The following ANO3 variants were observed in gnomAD, a reference collection of about 807,000 sequenced individuals.
ANO3 encodes the protein anoctamin 3.
ANO3 carries 99 observed loss-of-function variants against 144.8 expected under a neutral mutation model. The ratio of observed to expected loss-of-function variants is 0.68; its 90% confidence interval spans 0.58 to 0.81. The LOEUF (loss-of-function observed/expected upper bound fraction) is 0.81, where lower values mean the gene tolerates loss of function less well. Among genes scored for constraint, ANO3 ranks in the 30% least tolerant of loss-of-function variants. ANO3 has a pLI of 0.00. For synonymous variants in ANO3, 414 were observed against 392.6 expected (o/e 1.05, Z -0.64); for missense variants, 905 against 1,202.2 (o/e 0.75, Z 3.66).
At chr11:26,631,493 T>G (rs946878065) in intron 18 of ANO3, among the ~76,000 whole-genome samples, 3 of 152,112 alleles carry the variant, frequency 2.0e-5, no homozygotes, top group Non-Finnish European at 4.4e-5. Context: ...TTTGTATTTA[T>G]CTCCAGACCT....
chr11:26,488,098 G>A (rs1001797945), intron 4 of ANO3, among the ~76,000 whole-genome samples: 40 of 152,090 alleles, frequency 2.6e-4, no homozygotes, highest in Admixed American at 2.5e-3. Context: ...CCCAGGAGGT[G>A]GAGGTTGCAG....
chr11:26,427,024 G>A (rs1857939185), intron 1 of ANO3: 2 of 154,186 alleles, frequency 1.3e-5, no homozygotes, highest in African/African-American at 2.4e-5. Context: ...AGTGCTTTTT[G>A]TATGGCCCAA....
chr11:26,418,779 C>A (rs1009840403), intron 1 of ANO3, among the ~76,000 whole-genome samples: 4 of 151,888 alleles, frequency 2.6e-5, no homozygotes, highest in Non-Finnish European at 4.4e-5. Context: ...ATATAAAATA[C>A]TTGGGGGTAC....
intron 1 of ANO3, among the ~76,000 whole-genome samples, chr11:26,387,659 T>C (rs1394302402): frequency 6.6e-6 from 1 of 152,174 alleles, no homozygotes; most frequent in African/African-American, 2.4e-5. Flanking sequence ...CTGTGGTTTT[T>C]CCCCTCAATT....
intron 1 of ANO3, among the ~76,000 whole-genome samples, chr11:26,346,370 T>C (rs187152968): frequency 5.1e-4 from 78 of 152,330 alleles, no homozygotes; most frequent in African/African-American, 1.5e-3. Flanking sequence ...AATAGGGCTA[T>C]TGACAAGAGA....
At chr11:26,373,413 T>C (rs963912231) in intron 1 of ANO3, among the ~76,000 whole-genome samples, 13 of 152,184 alleles carry the variant, frequency 8.5e-5, no homozygotes, top group South Asian at 2.1e-4. Context: ...GTGAAGAATG[T>C]GCCTGCTTCT....
At chr11:26,656,552 T>C in intron 26 of ANO3, 71 bp downstream of exon 26, 1 of 1,002,268 alleles carries the variant, frequency 1.0e-6, no homozygotes, top group South Asian at 1.4e-5. Flanking sequence ...GTTGCCTCTT[T>C]GAAATCAGTT....
intron 1 of ANO3, among the ~76,000 whole-genome samples, chr11:26,257,019 T>C (rs1410792230): frequency 6.6e-6 from 1 of 152,060 alleles, no homozygotes; most frequent in East Asian, 1.9e-4. Flanking sequence ...ATGTGAACAA[T>C]GCAGATCAAA....
intron 18 of ANO3, among the ~76,000 whole-genome samples, chr11:26,626,806 C>G (rs1198808510): frequency 6.6e-6 from 1 of 150,942 alleles, no homozygotes; most frequent in African/African-American, 2.4e-5. Context: ...TCTTCCTTTT[C>G]TATGATTTTT....
rs67196052 is a variant in ANO3, at chr11:26,208,512, CA to C, written c.154+19197del. ...TGGGTGACAGAGCAAGACTCCGTCT[CA>C]AAAAAAAAAAAAAAGGAATTGCAGG... is the stretch of plus-strand genomic sequence containing the variant. On this transcript the variant is annotated intron_variant, in intron 1 of 27. Coordinates refer to the ANO3 transcript ENST00000672621. Among the ~76,000 whole-genome samples the C allele has an allele frequency of 3.8e-3, 464 of 121,690 alleles. 2 individuals are homozygous for C. Among genetic ancestry groups the C allele is most frequent in the African/African-American group, 4.5e-3 (132 of 29,088 alleles). 79.8% of individuals were successfully genotyped at this position (121,690 alleles called of 152,430 possible). A position where few individuals can be genotyped will look rare whatever the true frequency, so the allele number is the denominator to read the frequency against.
rs764671965 is a variant in ANO3, at chr11:26,563,393, C to CTGTGTGTGTGTG, written c.1447+3615_1447+3616insGTGTGTGTGTGT. The CTGTGTGTGTGTG allele has an allele frequency of 2.1e-4, 177 of 825,628 alleles. 3 individuals carry two copies. The highest frequency in any genetic ancestry group is 6.5e-4 in the South Asian group (30 of 46,066). The allele number at this position is 825,628 out of a possible 1,614,324, so 51.1% of individuals were successfully genotyped here. A position where few individuals can be genotyped will look rare whatever the true frequency, so the allele number is the denominator to read the frequency against. ...AAATTAGATAATGGTGTGTTTCTCTCTCTGTGTGTGTGTGTGTGTGTGTGT... is the reference window on the plus strand; with the variant it reads ...AAATTAGATAATGGTGTGTTTCTCTCTGTGTGTGTGTGTCTGTGTGTGTGTGTGTGTGTGTGT... On this transcript the variant is annotated intron_variant, in intron 14 of 26. Coordinates refer to ENST00000256737, the MANE Select transcript of ANO3 (RefSeq NM_031418.4).
chr11:26,499,667 T>A (rs1280498413), intron 4 of ANO3, among the ~76,000 whole-genome samples: 4 of 151,868 alleles, frequency 2.6e-5, no homozygotes, highest in African/African-American at 9.7e-5. Flanking sequence ...TGTTGCCTAT[T>A]CCTGCATGAA....
intron 6 of ANO3, among the ~76,000 whole-genome samples, chr11:26,518,286 A>G (rs1861936297): frequency 6.6e-6 from 1 of 152,018 alleles, no homozygotes; most frequent in Non-Finnish European, 1.5e-5. Flanking sequence ...ATAATATACA[A>G]TATTAATAAT....
At chr11:26,632,582 T>TTATA (rs3038204) in intron 18 of ANO3, among the ~76,000 whole-genome samples, 6 of 147,046 alleles carry the variant, frequency 4.1e-5, no homozygotes, top group African/African-American at 7.4e-5. Flanking sequence ...AATATACGTT[T>TTATA]TATATATATA....
intron 7 of ANO3, among the ~76,000 whole-genome samples, chr11:26,530,336 T>G (rs1049432463): frequency 3.3e-5 from 5 of 152,176 alleles, no homozygotes. Context: ...ACCACACTTA[T>G]GACTTCCAGT....
chr11:26,371,640 G>T (rs949933418), intron 1 of ANO3, among the ~76,000 whole-genome samples: 1 of 152,254 alleles, frequency 6.6e-6, no homozygotes, highest in Non-Finnish European at 1.5e-5. Flanking sequence ...GGGAGCAACT[G>T]CCCAAGACTG....
At chr11:26,611,409 C>T (rs530093012) in intron 17 of ANO3, among the ~76,000 whole-genome samples, 7 of 152,078 alleles carry the variant, frequency 4.6e-5, no homozygotes, top group African/African-American at 4.8e-5. Context: ...TTTTCATGTT[C>T]GTAAGATTTC....
intron 1 of ANO3, among the ~76,000 whole-genome samples, chr11:26,295,497 T>C (rs113157541): frequency 0.019 from 2,266 of 117,322 alleles, 26 homozygotes; most frequent in Middle Eastern, 0.11. Flanking sequence ...GCCTGGGCGA[T>C]AGAGTGAGAC....
chr11:26,626,782 GTTT>G (rs5790596), intron 18 of ANO3, among the ~76,000 whole-genome samples: 1 of 150,546 alleles, frequency 6.6e-6, no homozygotes, highest in Non-Finnish European at 1.5e-5. Flanking sequence ...ATATTCAATA[GTTT>G]TTTTTTTCTT....
Sources: gnomAD v4.1 joint callset for allele counts (sites outside exome capture counted in the v4.1 genomes callset) on GRCh38, gnomAD v4.1.1 for gene constraint, MANE v1.5 for transcripts, NCBI Gene and HGNC (gene_info 2026-07-23, HGNC 2026-07-21) for gene names.